TLN1: variants seen among roughly 807,000 people sequenced by gnomAD.
The protein encoded by TLN1 is talin 1, also known as talin-1.
Under a neutral mutation model 292.3 loss-of-function variants are expected in TLN1, and 56 were observed. The observed-to-expected ratio is 0.19, with a 90% CI of 0.15 to 0.24. The LOEUF is 0.24. Among genes scored for constraint, TLN1 ranks in the 10% least tolerant of loss-of-function variants. TLN1 has a pLI of 1.00. For missense variants in TLN1, 2,433 were observed against 3,248.2 expected (o/e 0.75, Z 6.10); for synonymous variants, 1,119 against 1,253.7 (o/e 0.89, Z 2.27).
intron 28 of TLN1, 96 bp from the exon 29 acceptor site, chr9:35,711,888 G>A: frequency 6.3e-7 from 1 of 1,595,586 alleles, no homozygotes; most frequent in East Asian, 2.2e-5. Context: ...CATAGCCTGG[G>A]AGTAATGAAA....
Position 35,700,287 on chromosome 9 carries a change from C to G in TLN1, c.6564G>C (p.Lys2188Asn). The G allele has an allele frequency of 6.2e-7, 1 of 1,613,772 alleles. No homozygotes were observed. Among genetic ancestry groups the G allele is most frequent in the Middle Eastern group, 1.6e-4 (1 of 6,062 alleles). Residue 2188 changes from lysine (K) to asparagine (N), a missense_variant, in exon 49 of 57, where the codon AAG (lysine) becomes AAC (asparagine). By Grantham distance (94) the Lys-to-Asn change is moderately conservative (BLOSUM62 0). Transcript: ENST00000314888. Reference sequence around the variant, plus strand: ...GACAGGAATTGCCAGCAGCAACGGCCTTGGCGGTTGCCATGGTGATACCCT... The same window carrying G: ...GACAGGAATTGCCAGCAGCAACGGCGTTGGCGGTTGCCATGGTGATACCCT... ...MTKGITMATA[K>N]AVAAGNSCRQ...
At chr9:35,726,446 C>G (rs935892063) in intron 1 of TLN1, among the ~76,000 whole-genome samples, 2 of 152,210 alleles carry the variant, frequency 1.3e-5, no homozygotes, top group South Asian at 4.1e-4. Flanking sequence ...TTGTCTCCTG[C>G]TGTGTCCTGC....
In TLN1 at chr9:35,714,513, G is replaced by A. The variant is rs1195990137; in HGVS notation, c.2985+61C>T. 7.5e-6 allele frequency: 12 copies of A among 1,592,236 alleles called. No individual in the cohort carries two copies. The highest frequency in any genetic ancestry group is 1.0e-5 in the Non-Finnish European group (12 of 1,173,606). On this transcript the variant is annotated intron_variant, in intron 23 of 56. Transcript: ENST00000314888. The surrounding 1 kb of genome is among the most constrained non-coding windows in gnomAD (Gnocchi z 4.6). ...CTCTTGGCAGAGATTCAAACTGTGG[G>A]AGATGGAAGCTTAGAAAGGTGGGAA...
In TLN1 at chr9:35,699,459, G is replaced by T. The variant is rs1446720828; in HGVS notation, c.6771C>A (p.Thr2257=). 6.2e-7 allele frequency: 1 copy of T among 1,612,198 alleles called. No individual in the cohort carries two copies. The highest frequency in any genetic ancestry group is 8.5e-7 in the Non-Finnish European group (1 of 1,179,048). The change falls in exon 51 of 57, where the codon ACC becomes ACA. Residue 2257 remains threonine, a splice_region_variant and synonymous_variant. Transcript: ENST00000314888. The surrounding 1 kb of genome is among the most constrained non-coding windows in gnomAD (Gnocchi z 4.0). ...TCAGTTCTGGGCTTGGCTTCTGCAG[G>T]GTCTGGGCAAGAAGCGGGCAGGGGA... is the stretch of plus-strand genomic sequence containing the variant. ...YLELLDHVLL[T]LQKPSPELKQ...
intron 17 of TLN1, 111 bp downstream of exon 17, chr9:35,718,701 C>T: frequency 1.2e-6 from 1 of 823,910 alleles, no homozygotes; most frequent in Non-Finnish European, 2.0e-6. Context: ...AATAGAGGTT[C>T]AGATTGGTTT....
At chr9:35,713,706 C>T (rs1255181418) in intron 25 of TLN1, among the ~76,000 whole-genome samples, 6 of 86,932 alleles carry the variant, frequency 6.9e-5, no homozygotes, top group South Asian at 3.5e-4. Context: ...AATAAAAGAA[C>T]GGAAAAGAAA....
chr9:35,720,793 T>C lies in TLN1; in HGVS notation c.1206+19A>G, dbSNP rs1256176407. ...GGGCAAGAGGCGATAAGGAGAAGGC[T>C]AGGGCAGGCAGTGCTCACCTTCTTC... is the stretch of plus-strand genomic sequence containing the variant. On this transcript the variant is annotated intron_variant, in intron 11 of 56. Coordinates refer to ENST00000314888, the MANE Select transcript of TLN1 (RefSeq NM_006289.4). 3 of 1,607,180 alleles carry C rather than the reference T, an allele frequency of 1.9e-6. No homozygotes were observed. The highest frequency in any genetic ancestry group is 2.6e-6 in the Non-Finnish European group (3 of 1,173,734).
At chr9:35,730,701 G>A (rs540974999) in intron 1 of TLN1, among the ~76,000 whole-genome samples, 1 of 152,214 alleles carries the variant, frequency 6.6e-6, no homozygotes, top group Admixed American at 6.5e-5. Flanking sequence ...GCATGGGAGA[G>A]TTAAAGGCAA....
chr9:35,708,203 T>C (rs1026368490), intron 34 of TLN1, 138 bp downstream of exon 34: 1 of 1,114,924 alleles, frequency 9.0e-7, no homozygotes, highest in Non-Finnish European at 1.2e-6. Context: ...AAAAAGACAG[T>C]TACCCAAAAA....
In TLN1 at chr9:35,710,594, C is replaced by G. The variant is rs757778441; in HGVS notation, c.4293G>C (p.Lys1431Asn). ...EFGDAISTASKALCGFTEAAA... is the reference protein window; with the variant it reads ...EFGDAISTASNALCGFTEAAA... The stretch of plus-strand genomic sequence containing the variant: ...CTGCCTCGGTGAAGCCACAAAGTGC[C>G]TTTGAGGCTGTGGAAATGGCATCTC... The change falls in exon 33 of 57, where the codon AAG becomes AAC. Residue 1431 changes from lysine to asparagine, a missense_variant. Lys to Asn is a moderately conservative substitution (Grantham distance 94). Transcript: ENST00000314888. 2 of 1,613,910 alleles carry G rather than the reference C, an allele frequency of 1.2e-6. No individual in the cohort carries two copies. Among genetic ancestry groups the G allele is most frequent in the South Asian group, 1.1e-5 (1 of 91,074 alleles).
rs1475204143 is a variant in TLN1 at position 35,722,099 on chromosome 9, G to A, written c.948+20C>T. 1 of 1,607,206 alleles carries A rather than the reference G, an allele frequency of 6.2e-7. No homozygotes were observed. Among genetic ancestry groups the A allele is most frequent in the Non-Finnish European group, 8.5e-7 (1 of 1,173,680 alleles). ...AAGAGTGGGAAACAAGGAGGGCAGT[G>A]AAAAGGGCCCATAACCTACCTTCAC... On this transcript the variant is annotated intron_variant, in intron 9 of 56. Coordinates refer to ENST00000314888, the MANE Select transcript of TLN1 (RefSeq NM_006289.4).
intron 20 of TLN1, 104 bp from the exon 21 acceptor site, chr9:35,715,291 C>T (rs1156402432): frequency 6.9e-7 from 1 of 1,447,862 alleles, no homozygotes; most frequent in African/African-American, 1.4e-5. Flanking sequence ...ATGTATTTTC[C>T]TGAAGTCATC....
At chr9:35,725,492 C>T in intron 2 of TLN1, 73 bp downstream of exon 2, 1 of 1,585,972 alleles carries the variant, frequency 6.3e-7, no homozygotes, top group Non-Finnish European at 8.6e-7. Flanking sequence ...GGGGTCAACT[C>T]TCAAGGCCGA....
chr9:35,715,147 C>T lies in TLN1; in HGVS notation c.2666G>A (p.Arg889Gln), dbSNP rs540431162. The change falls in exon 21 of 57, where the codon CGG becomes CAG. Residue 889 changes from arginine to glutamine, a missense_variant. Physicochemically the swap from Arg to Gln is conservative, Grantham distance 43. This residue lies in a region of TLN1 where 617 missense variants were observed against 770.6 expected (regional missense o/e 0.80). Coordinates refer to ENST00000314888, the MANE Select transcript of TLN1 (RefSeq NM_006289.4). Reference sequence around the variant, plus strand: ...CAGCCCCTCAGCTGCCTCCCGCAGCCGCTGCTGCTGCTCCTCACTGTCAGG... The same window carrying T: ...CAGCCCCTCAGCTGCCTCCCGCAGCTGCTGCTGCTGCTCCTCACTGTCAGG... ...AHPDSEEQQQ[R>Q]LREAAEGLRM... is the part of the protein sequence containing the mutation. The T allele has an allele frequency of 1.3e-5, 21 of 1,612,908 alleles. No homozygotes were observed. The highest frequency in any genetic ancestry group is 1.7e-4 in the Middle Eastern group (1 of 5,764).
rs1162101459 is a variant in TLN1 at position 35,706,245 on chromosome 9, G to C, written c.5312C>G (p.Ser1771Cys). The stretch of plus-strand genomic sequence containing the variant: ...GGCAGTGTATAGCAACTGCAGGGCA[G>C]ACTCTGCCAATGTTTTAGTCTGGTC... ...LLDQTKTLAE[S>C]ALQLLYTAKE... The change falls in exon 40 of 57, where the codon TCT becomes TGT. Residue 1771 changes from serine (S) to cysteine (C), a missense_variant. Ser to Cys is a moderately radical substitution (Grantham distance 112). Coordinates refer to ENST00000314888, the MANE Select transcript of TLN1 (RefSeq NM_006289.4). This position sits in a 1 kb window ranked among gnomAD's most constrained non-coding sequence, Gnocchi z 4.2. 1 of 1,612,802 alleles carries C rather than the reference G, an allele frequency of 6.2e-7. No individual in the cohort carries two copies. Among genetic ancestry groups the C allele is most frequent in the Non-Finnish European group, 8.5e-7 (1 of 1,179,342 alleles).
intron 2 of TLN1, 94 bp from the exon 3 acceptor site, chr9:35,725,415 C>G: frequency 6.5e-7 from 1 of 1,541,810 alleles, no homozygotes; most frequent in Non-Finnish European, 8.9e-7. Context: ...CTCCCATGAC[C>G]TTGGGCCTAA....
chr9:35,712,906 T>C lies in TLN1; in HGVS notation c.3490A>G (p.Ser1164Gly). 1.9e-6 allele frequency: 3 copies of C among 1,605,716 alleles called. No homozygotes were observed. Among genetic ancestry groups the C allele is most frequent in the Non-Finnish European group, 1.7e-6 (2 of 1,175,968 alleles). ...TASDVLDKASSLIEEAKKAAG... is the reference protein window; with the variant it reads ...TASDVLDKASGLIEEAKKAAG... ...GCCTTTTTCGCCTCCTCAATGAGGCTGCTGGCCTTGTCCAGCACATCACTG... is the reference window on the plus strand; with the variant it reads ...GCCTTTTTCGCCTCCTCAATGAGGCCGCTGGCCTTGTCCAGCACATCACTG... The change falls in exon 27 of 57, where the codon AGC becomes GGC. Residue 1164 changes from serine to glycine, a missense_variant. By Grantham distance (56) the Ser-to-Gly change is moderately conservative. Transcript: ENST00000314888.
In TLN1 at chr9:35,725,658, C is replaced by T; in HGVS notation, c.37G>A (p.Val13Met). Residue 13 changes from valine (V) to methionine (M), a missense_variant, in exon 2 of 57, where the codon GTG (valine) becomes ATG (methionine). Physicochemically the swap from Val to Met is conservative, Grantham distance 21 (BLOSUM62 1). Around this residue, in one of 7 missense-constraint regions of TLN1, gnomAD observed 155 missense variants for 287.9 expected, o/e 0.54. Coordinates refer to ENST00000314888, the MANE Select transcript of TLN1 (RefSeq NM_006289.4). ...GGCTCAAACTGCATCGTCTTCACCA[C>T]ATTCCCAATGCTGATCTTCAGTGAA... ...ALSLKISIGN[V>M]VKTMQFEPST... is the part of the protein sequence containing the mutation. 6.2e-7 allele frequency: 1 copy of T among 1,614,020 alleles called. No individual in the cohort carries two copies. Among genetic ancestry groups the T allele is most frequent in the African/African-American group, 1.3e-5 (1 of 75,008 alleles).
At position 35,724,446 on chromosome 9, in the gene TLN1, G is replaced by A. The variant is rs376061062; in HGVS notation, c.512-112C>T. On this transcript the variant is annotated intron_variant, in intron 5 of 56. Coordinates refer to ENST00000314888, the MANE Select transcript of TLN1 (RefSeq NM_006289.4). The surrounding 1 kb of genome is among the most constrained non-coding windows in gnomAD (Gnocchi z 4.7). ...CCTCACTTAAATGTAAGTCCCATGA[G>A]TGTAGGACTTTGTTTTCTCACTGAT... The A allele has an allele frequency of 1.9e-6, 3 of 1,558,412 alleles. No individual in the cohort carries two copies. The highest frequency in any genetic ancestry group is 1.2e-5 in the South Asian group (1 of 85,570).
Sources: allele counts gnomAD v4.1 joint callset (sites outside exome capture counted in the v4.1 genomes callset), GRCh38; gene constraint gnomAD v4.1.1; regional missense constraint gnomAD v4.1.1; non-coding constraint Gnocchi (gnomAD v3.1); transcripts MANE v1.5; gene names NCBI Gene and HGNC (gene_info 2026-07-23, HGNC 2026-07-21).